ADGRG1: variants seen among roughly 807,000 people sequenced by gnomAD.
ADGRG1 encodes 7-transmembrane protein with no EGF-like N-terminal domains-1.
ADGRG1 carries 53 observed loss-of-function variants against 73.5 expected under a neutral mutation model. That is an observed-to-expected ratio of 0.72 (90% CI 0.58 to 0.91). The LOEUF (loss-of-function observed/expected upper bound fraction) is 0.91. ADGRG1 is among the 40% of genes least tolerant of loss of function. The probability of loss-of-function intolerance (pLI) is 0.00; values close to 1 mark genes in which losing one functional copy is unlikely to be tolerated. For missense variants in ADGRG1, 795 were observed against 871.8 expected, an observed-to-expected ratio of 0.91 and a Z score of 1.11; for synonymous variants, 394 against 374.4, an observed-to-expected ratio of 1.05 and a Z score of -0.60.
chr16:57,648,801 T>C lies in ADGRG1; in HGVS notation c.-35-1452T>C, dbSNP rs1004056904. The C allele has an allele frequency of 5.8e-6, 4 of 692,468 alleles. No individual in the cohort carries two copies. In the African/African-American group the frequency reaches 5.8e-5, roughly 10 times the overall value. 42.9% of individuals were successfully genotyped at this position (692,468 alleles called of 1,614,324 possible). On this transcript the variant is annotated intron_variant, in intron 1 of 13. Coordinates refer to ENST00000562631, the MANE Select transcript of ADGRG1 (RefSeq NM_201525.4). ...GCTCTGCCACAGGGCCGGCTGGCCA[T>C]AGGGAGGGCCAAGCCTTCTGGCAAG...
intron 1 of ADGRG1, chr16:57,641,414 G>C: frequency 1.0e-6 from 1 of 979,068 alleles, no homozygotes; most frequent in Non-Finnish European, 1.2e-6. Context: ...CACCCCAGGA[G>C]CATAAGCTGA....
upstream of ADGRG1, chr16:57,626,535 C>T (rs150284838): frequency 3.2e-4 from 306 of 962,890 alleles, 5 homozygotes; most frequent in African/African-American, 4.9e-3. Flanking sequence ...CTGCAAAGTC[C>T]GACGGTGAGA....
intron 10 of ADGRG1, 87 bp downstream of exon 10, chr16:57,657,578 C>A: frequency 9.8e-7 from 1 of 1,022,002 alleles, no homozygotes; most frequent in Admixed American, 1.7e-5. Context: ...CCGGTCATGG[C>A]CCGCCCGCAT....
At chr16:57,635,896 C>T (rs1179665566) in intron 1 of ADGRG1, 3 of 985,254 alleles carry the variant, frequency 3.0e-6, no homozygotes, top group Non-Finnish European at 2.4e-6. Flanking sequence ...CATAGAGTGG[C>T]CCTGGAAGCA....
chr16:57,653,969 T>C lies in ADGRG1; in HGVS notation c.621-17T>C, dbSNP rs765484071. 9.9e-6 allele frequency: 16 copies of C among 1,613,640 alleles called. No homozygotes were observed. In the Admixed American group the frequency reaches 2.5e-4, roughly 25 times the overall value. The stretch of plus-strand genomic sequence containing the variant: ...GCCCCCTCCCCACCATCACCACCGC[T>C]TTCTCCTCCCTGCCAGGCAGTTGCA... On this transcript the variant is annotated splice_polypyrimidine_tract_variant and intron_variant, in intron 4 of 13. Transcript: ENST00000562631.
chr16:57,623,012 T>C (rs1476902332), upstream of ADGRG1: 15 of 985,392 alleles, frequency 1.5e-5, no homozygotes, highest in South Asian at 4.7e-5. Context: ...CAAGTTGCCA[T>C]TGGAACCAAG....
At chr16:57,644,523 CAT>C (rs1370348083) in intron 1 of ADGRG1, among the ~76,000 whole-genome samples, 2 of 145,588 alleles carry the variant, frequency 1.4e-5, no homozygotes, top group African/African-American at 2.6e-5. Flanking sequence ...CACACACACT[CAT>C]CACACACATG....
At chr16:57,642,551 C>T in intron 1 of ADGRG1, 1 of 967,244 alleles carries the variant, frequency 1.0e-6, no homozygotes, top group Non-Finnish European at 1.2e-6. Flanking sequence ...GGGAAACTGC[C>T]CAACCAAGCT....
intron 1 of ADGRG1, chr16:57,629,487 C>A: frequency 6.6e-6 from 1 of 152,474 alleles, no homozygotes. Flanking sequence ...TATAGAAAGC[C>A]AGGGGCCAGG....
At position 57,637,351 on chromosome 16, in the gene ADGRG1, G is replaced by T. The variant is rs1279277496; in HGVS notation, c.-36+8549G>T. ...GTTATTTTTATTATTACTATGAGTG[G>T]GATGTTTAGGGACTATGGGTGGGGC... On this transcript the variant is annotated intron_variant, in intron 1 of 13. Coordinates refer to ENST00000562631, the MANE Select transcript of ADGRG1 (RefSeq NM_201525.4). The T allele has an allele frequency of 8.1e-6, 8 of 985,090 alleles. No individual in the cohort carries two copies. In the African/African-American group the frequency reaches 8.7e-5, roughly 11 times the overall value. 61.0% of individuals were successfully genotyped at this position (985,090 alleles called of 1,614,324 possible). A position where few individuals can be genotyped will look rare whatever the true frequency, so the allele number is the denominator to read the frequency against.
At chr16:57,656,474 G>T (rs765683235) in intron 8 of ADGRG1, 40 bp from the exon 9 acceptor site, 3 of 1,585,602 alleles carry the variant, frequency 1.9e-6, no homozygotes, top group Non-Finnish European at 2.6e-6. Context: ...GGTCCTGGAG[G>T]ACTGGACTTG....
chr16:57,636,879 A>C (rs766992222), intron 1 of ADGRG1: 15 of 165,822 alleles, frequency 9.0e-5, no homozygotes, highest in Non-Finnish European at 1.7e-4. Context: ...GGGTGCCAAT[A>C]CGGGTAATAA....
At chr16:57,629,921 A>G in intron 1 of ADGRG1, 1 of 749,704 alleles carries the variant, frequency 1.3e-6, no homozygotes, top group Non-Finnish European at 1.6e-6. Context: ...TGTTCATTTT[A>G]CTGCGTAGGG....
intron 1 of ADGRG1, among the ~76,000 whole-genome samples, chr16:57,638,801 G>A (rs1165981531): frequency 1.3e-5 from 2 of 152,188 alleles, no homozygotes; most frequent in African/African-American, 4.8e-5. Flanking sequence ...GCCAGGCGCG[G>A]TGGCTCACAC....
At chr16:57,662,088 A>ATG in intron 13 of ADGRG1, 123 bp downstream of exon 13, 1 of 813,634 alleles carries the variant, frequency 1.2e-6, no homozygotes, top group Non-Finnish European at 2.1e-6. Context: ...CCCATTCATA[A>ATG]AATGGGGACA....
intron 1 of ADGRG1, chr16:57,635,105 C>A (rs1365040778): frequency 1.0e-6 from 1 of 985,122 alleles, no homozygotes; most frequent in East Asian, 1.1e-4. Context: ...GGCAGGACAC[C>A]CACCTCCTGA....
intron 1 of ADGRG1, chr16:57,621,097 C>T (rs1200909396): frequency 3.3e-5 from 5 of 152,190 alleles, no homozygotes; most frequent in African/African-American, 1.2e-4. Flanking sequence ...TCTCTACCAA[C>T]TTGGCTCCCT....
intron 4 of ADGRG1, 128 bp from the exon 5 acceptor site, chr16:57,653,858 T>TCTCTGCCTCTGC: frequency 6.3e-7 from 1 of 1,583,016 alleles, no homozygotes; most frequent in Non-Finnish European, 8.5e-7. Context: ...CCCACCCCTC[T>TCTCTGCCTCTGC]CTCTGCCTCT....
At position 57,651,327 on chromosome 16, in the gene ADGRG1, C is replaced by T; in HGVS notation, c.192C>T (p.Ala64=). 2 of 1,614,186 alleles carry T rather than the reference C, an allele frequency of 1.2e-6. No individual in the cohort carries two copies. The highest frequency in any genetic ancestry group is 1.1e-5 in the South Asian group (1 of 91,078). Residue 64 remains alanine (A), a synonymous_variant, in exon 3 of 14, where the codon GCC becomes GCT. Coordinates refer to ENST00000562631, the MANE Select transcript of ADGRG1 (RefSeq NM_201525.4). ...TCTCCATCGAGAACTCCGAAGAGGC[C>T]CTCACAGTCCATGCCCCTTTCCCTG... ...LRISIENSEE[A]LTVHAPFPAA... is the part of the protein sequence containing the mutation.
Sources: gnomAD v4.1 joint callset for allele counts (sites outside exome capture counted in the v4.1 genomes callset) on GRCh38, gnomAD v4.1.1 for gene constraint, MANE v1.5 for transcripts, NCBI Gene and HGNC (gene_info 2026-07-23, HGNC 2026-07-21) for gene names.